GULP1: variants seen among roughly 807,000 people sequenced by gnomAD.
GULP1 encodes GULP PTB domain containing engulfment adaptor 1.
GULP1 carries 19 observed loss-of-function variants against 40.9 expected under a neutral mutation model. The ratio of observed to expected loss-of-function variants is 0.46; its 90% CI spans 0.32 to 0.68. GULP1 has a LOEUF of 0.68. Among genes scored for constraint, GULP1 ranks in the 30% least tolerant of loss-of-function variants. GULP1 has a pLI of 0.03. For missense variants in GULP1, 312 were observed against 362.2 expected (o/e 0.86, Z 1.12); for synonymous variants, 119 against 117.6 (o/e 1.01, Z -0.08).
intron 4 of GULP1, among the ~76,000 whole-genome samples, chr2:188,486,565 TCTG>T (rs1312015864): frequency 6.6e-6 from 1 of 152,008 alleles, no homozygotes; most frequent in African/African-American, 2.4e-5. Context: ...GCATTAGTGT[TCTG>T]TTTTATTTTA....
intron 5 of GULP1, among the ~76,000 whole-genome samples, chr2:188,525,382 A>C (rs1296640176): frequency 1.3e-5 from 2 of 152,092 alleles, no homozygotes; most frequent in African/African-American, 4.8e-5. Flanking sequence ...CAAGAGGGAA[A>C]CTTCATCTCA....
chr2:188,531,624 A>T (rs1049130694), intron 6 of GULP1, among the ~76,000 whole-genome samples: 2 of 152,190 alleles, frequency 1.3e-5, no homozygotes, highest in Non-Finnish European at 2.9e-5. Flanking sequence ...AAAACAGAAA[A>T]ATGAAATGGT....
intron 1 of GULP1, among the ~76,000 whole-genome samples, chr2:188,321,020 T>G (rs4366867): frequency 0.48 from 73,128 of 151,414 alleles, 18,215 homozygotes; most frequent in East Asian, 0.71. Context: ...CTTAATGGTC[T>G]TATTTCCGCC....
At chr2:188,341,964 T>G (rs986231639) in intron 1 of GULP1, among the ~76,000 whole-genome samples, 1 of 152,228 alleles carries the variant, frequency 6.6e-6, no homozygotes, top group Non-Finnish European at 1.5e-5. Flanking sequence ...CTTTTTTTGT[T>G]TTCTTACCTC....
At chr2:188,462,133 ATCATT>A (rs1275295290) in intron 2 of GULP1, among the ~76,000 whole-genome samples, 1 of 151,958 alleles carries the variant, frequency 6.6e-6, no homozygotes, top group Admixed American at 6.6e-5. Flanking sequence ...TGTTTTCATT[ATCATT>A]TGTTTCAATA....
chr2:188,389,132 TG>T (rs1252575295), intron 2 of GULP1, among the ~76,000 whole-genome samples: 5 of 152,094 alleles, frequency 3.3e-5, no homozygotes, highest in African/African-American at 1.2e-4. Context: ...GGCACAGAAA[TG>T]GGGAAAACAG....
intron 10 of GULP1, among the ~76,000 whole-genome samples, chr2:188,586,208 C>A (rs1702336885): frequency 1.3e-5 from 2 of 152,164 alleles, no homozygotes; most frequent in Middle Eastern, 3.4e-3. Context: ...TCCTGAGTAT[C>A]AAAGTTTGAT....
At chr2:188,431,294 G>GA (rs796731926) in intron 2 of GULP1, among the ~76,000 whole-genome samples, 4 of 150,312 alleles carry the variant, frequency 2.7e-5, no homozygotes, top group African/African-American at 9.7e-5. Context: ...AGAACTGGAG[G>GA]AAAAAAAAAG....
chr2:188,486,540 G>A (rs1310925005), intron 4 of GULP1, among the ~76,000 whole-genome samples: 2 of 151,778 alleles, frequency 1.3e-5, no homozygotes, highest in Admixed American at 6.6e-5. Context: ...ATGTTTAAAT[G>A]TCTTCAGTTT....
At chr2:188,455,430 A>C (rs1359988938) in intron 2 of GULP1, among the ~76,000 whole-genome samples, 1 of 152,068 alleles carries the variant, frequency 6.6e-6, no homozygotes, top group Non-Finnish European at 1.5e-5. Context: ...AGCTGTTCTC[A>C]TGATAGTGAA....
intron 1 of GULP1, among the ~76,000 whole-genome samples, chr2:188,377,658 T>A (rs1320573686): frequency 6.6e-6 from 1 of 152,184 alleles, no homozygotes; most frequent in Non-Finnish European, 1.5e-5. Flanking sequence ...GAAATTATCT[T>A]CTCCCCTTAG....
At chr2:188,501,169 A>G (rs1559314872) in intron 4 of GULP1, among the ~76,000 whole-genome samples, 1 of 151,926 alleles carries the variant, frequency 6.6e-6, no homozygotes. Context: ...TTGTGAAATT[A>G]TAGTCCCCAC....
intron 1 of GULP1, among the ~76,000 whole-genome samples, chr2:188,383,153 T>C (rs540275080): frequency 6.6e-6 from 1 of 152,292 alleles, no homozygotes; most frequent in South Asian, 2.1e-4. Context: ...TTCGAAATAA[T>C]ATAATTAAAG....
rs187588337 is a variant in GULP1, at chr2:188,304,474, C to A, written c.-172+12308C>A. Among the ~76,000 whole-genome samples the A allele has an allele frequency of 2.0e-4, 31 of 152,278 alleles. No individual in the cohort carries two copies. The East Asian group carries it at 5.8e-3, about 29-fold the overall frequency. On this transcript the variant is annotated intron_variant, in intron 1 of 11. Transcript: ENST00000409830. ...ATTTACAAATGGTAAAGAAACTTGT[C>A]TAAGTATCCACAGCCAGCAAACAGT...
intron 7 of GULP1, among the ~76,000 whole-genome samples, chr2:188,547,255 A>C (rs76146603): frequency 6.6e-6 from 1 of 151,968 alleles, no homozygotes; most frequent in South Asian, 2.1e-4. Flanking sequence ...AAAAAAAAAA[A>C]CACTAGAGAT....
At chr2:188,386,694 TTTATTG>T (rs2049804818) in intron 2 of GULP1, among the ~76,000 whole-genome samples, 1 of 152,182 alleles carries the variant, frequency 6.6e-6, no homozygotes, top group South Asian at 2.1e-4. Context: ...TTAAAGGCTT[TTTATTG>T]TTATTGCTGA....
intron 2 of GULP1, among the ~76,000 whole-genome samples, chr2:188,477,048 G>T (rs10153688): frequency 0.1 from 15,928 of 151,946 alleles, 1,896 homozygotes; most frequent in African/African-American, 0.29. Flanking sequence ...AGGACCTCTT[G>T]GATGGATAAA....
At position 188,594,691 on chromosome 2, in the gene GULP1, GA is replaced by G. The variant is rs906112196; in HGVS notation, c.*686del. On this transcript the variant is annotated 3_prime_UTR_variant, in exon 12 of 12. Transcript: ENST00000409830. ...ATTTAATTTGTTTTATAAAGGTAGT[GA>G]AAAAATGAAAATTTGCTATTTATTA... 1.4e-4 allele frequency: 21 copies of G among 151,520 alleles called. No individual in the cohort carries two copies. The highest frequency in any genetic ancestry group is 5.1e-4 in the African/African-American group (21 of 41,338). 9.4% of individuals were successfully genotyped at this position (151,520 alleles called of 1,614,324 possible).
At chr2:188,394,783 C>T (rs182008997) in intron 2 of GULP1, among the ~76,000 whole-genome samples, 2 of 152,164 alleles carry the variant, frequency 1.3e-5, no homozygotes, top group Admixed American at 6.5e-5. Context: ...CTTGGTGCTT[C>T]CAGGGGTGAA....
Sources: allele counts gnomAD v4.1 joint callset (sites outside exome capture counted in the v4.1 genomes callset), GRCh38; gene constraint gnomAD v4.1.1; transcripts MANE v1.5; gene names NCBI Gene and HGNC (gene_info 2026-07-23, HGNC 2026-07-21).